The following KHDRBS2 variants were observed in gnomAD, a reference collection of about 807,000 sequenced individuals.
KHDRBS2 encodes KH RNA binding domain containing, signal transduction associated 2, also known as KH domain-containing, RNA-binding, signal transduction-associated protein 2.
Under a neutral mutation model 44.3 loss-of-function variants are expected in KHDRBS2, and 26 were observed. The ratio of observed to expected loss-of-function variants is 0.59; its 90% CI spans 0.43 to 0.81. The LOEUF is 0.81. KHDRBS2 is among the 40% of genes least tolerant of loss of function. The pLI is 0.00. For missense variants in KHDRBS2, 476 were observed against 433.1 expected (o/e 1.10, Z -0.88); for synonymous variants, 194 against 151.1 (o/e 1.28, Z -2.08).
intron 6 of KHDRBS2, among the ~76,000 whole-genome samples, chr6:61,857,975 C>T (rs1197802766): frequency 1.3e-5 from 2 of 151,806 alleles, no homozygotes; most frequent in Non-Finnish European, 2.9e-5. Context: ...TTATATAACA[C>T]ATATGTTATA....
Position 62,218,235 on chromosome 6 carries a change from C to A in KHDRBS2, c.92-40923G>T, listed in dbSNP as rs533841308. ...CCAGGCTGCTAGTCATCTGAGTAGA[C>A]GAGAACAATCCCAAGCCTTAAAACA... is the stretch of plus-strand genomic sequence containing the variant. On this transcript the variant is annotated intron_variant, in intron 1 of 8. Coordinates refer to ENST00000281156, the MANE Select transcript of KHDRBS2 (RefSeq NM_152688.4). 9.9e-5 allele frequency among the ~76,000 whole-genome samples: 15 copies of A among 151,952 alleles called. No homozygotes were observed. The South Asian group carries it at 3.1e-3, about 32-fold the overall frequency.
chr6:61,828,346 T>A (rs1791249830), intron 6 of KHDRBS2, among the ~76,000 whole-genome samples: 1 of 152,144 alleles, frequency 6.6e-6, no homozygotes, highest in African/African-American at 2.4e-5. Context: ...CTTAAGAGGG[T>A]AGAAAATAAG....
chr6:61,651,109 A>T, the KHDRBS2 span, among the ~76,000 whole-genome samples: 5 of 152,112 alleles, frequency 3.3e-5, no homozygotes, highest in Admixed American at 3.3e-4. Context: ...AATATGATTG[A>T]TAAACATTTA....
At chr6:61,913,959 C>T (rs1806508012) in intron 4 of KHDRBS2, among the ~76,000 whole-genome samples, 1 of 152,044 alleles carries the variant, frequency 6.6e-6, no homozygotes, top group South Asian at 2.1e-4. Flanking sequence ...GGCTCTGTAT[C>T]ATGGTAGTGC....
At chr6:61,598,237 C>G in the KHDRBS2 span, among the ~76,000 whole-genome samples, 4 of 151,654 alleles carry the variant, frequency 2.6e-5, no homozygotes, top group Admixed American at 2.6e-4. Flanking sequence ...CTACCATACT[C>G]TAGATATAAA....
rs4710600 is a variant in KHDRBS2 at position 61,956,875 on chromosome 6, G to T, written c.483+21191C>A. ...TAAGTCGCTTAGAATAGCACCTTAT[G>T]CATAGCAAACATTCCATAGTTATTG... On this transcript the variant is annotated intron_variant, in intron 4 of 8. Coordinates refer to ENST00000281156, the MANE Select transcript of KHDRBS2 (RefSeq NM_152688.4). Among the ~76,000 whole-genome samples the T allele has an allele frequency of 2.0e-5, 3 of 151,152 alleles. No individual in the cohort carries two copies. The East Asian group carries it at 5.9e-4, about 29-fold the overall frequency.
At chr6:61,895,180 A>G (rs1802733210) in intron 5 of KHDRBS2, among the ~76,000 whole-genome samples, 2 of 151,804 alleles carry the variant, frequency 1.3e-5, no homozygotes, top group African/African-American at 4.8e-5. Flanking sequence ...TTAAATTCCA[A>G]ATTCTCGAAG....
In KHDRBS2 at chr6:61,860,848, A is replaced by C. The variant is rs189127342; in HGVS notation, c.810+33787T>G. Among the ~76,000 whole-genome samples, 10 of 152,094 alleles carry C rather than the reference A, an allele frequency of 6.6e-5. No homozygotes were observed. The East Asian group carries it at 1.7e-3, about 26-fold the overall frequency. On this transcript the variant is annotated intron_variant, in intron 6 of 8. Coordinates refer to ENST00000281156, the MANE Select transcript of KHDRBS2 (RefSeq NM_152688.4). The stretch of plus-strand genomic sequence containing the variant: ...ACTCTCCCACCAAAAGTGTAAAAGC[A>C]TTATTTTTTTCTCCACAATCTCGAC...
chr6:61,595,015 G>T, the KHDRBS2 span, among the ~76,000 whole-genome samples: 1 of 152,048 alleles, frequency 6.6e-6, no homozygotes, highest in Non-Finnish European at 1.5e-5. Flanking sequence ...AACAAAATCA[G>T]CATCAGACAT....
At chr6:62,245,715 G>A (rs1835440202) in intron 1 of KHDRBS2, among the ~76,000 whole-genome samples, 1 of 152,038 alleles carries the variant, frequency 6.6e-6, no homozygotes, top group Non-Finnish European at 1.5e-5. Context: ...ATAATAATAT[G>A]TTCTAATTGA....
At chr6:61,729,025 C>T (rs753614065) in intron 7 of KHDRBS2, among the ~76,000 whole-genome samples, 1 of 152,092 alleles carries the variant, frequency 6.6e-6, no homozygotes, top group East Asian at 1.9e-4. Flanking sequence ...GACACATGCA[C>T]TTGTATGTTT....
chr6:62,154,025 C>A (rs1815823593), intron 2 of KHDRBS2, among the ~76,000 whole-genome samples: 1 of 152,130 alleles, frequency 6.6e-6, no homozygotes, highest in Non-Finnish European at 1.5e-5. Flanking sequence ...AGAAGCGTTT[C>A]TTTCTTTTAT....
chr6:62,043,887 A>C (rs1787090081), intron 3 of KHDRBS2, among the ~76,000 whole-genome samples: 1 of 151,998 alleles, frequency 6.6e-6, no homozygotes, highest in East Asian at 1.9e-4. Context: ...AAACGAAATG[A>C]GTTTGTCATT....
intron 1 of KHDRBS2, among the ~76,000 whole-genome samples, chr6:62,202,551 G>A (rs574335044): frequency 2.8e-4 from 43 of 152,070 alleles, no homozygotes; most frequent in African/African-American, 9.6e-4. Flanking sequence ...GGACACATCA[G>A]TGAATAAAAT....
intron 8 of KHDRBS2, among the ~76,000 whole-genome samples, chr6:61,688,022 A>T (rs559084163): frequency 3.3e-5 from 5 of 151,858 alleles, no homozygotes; most frequent in African/African-American, 1.2e-4. Context: ...TAATAAATTG[A>T]CTCAATCTGT....
chr6:61,899,863 T>G, intron 5 of KHDRBS2, among the ~76,000 whole-genome samples: 1 of 151,648 alleles, frequency 6.6e-6, no homozygotes, highest in East Asian at 2.0e-4. Flanking sequence ...AAAGTTGCAA[T>G]TTCATATGAT....
chr6:61,652,006 G>A, the KHDRBS2 span, among the ~76,000 whole-genome samples: 82 of 152,024 alleles, frequency 5.4e-4, no homozygotes, highest in African/African-American at 2.0e-3. Flanking sequence ...CCCTTCTCCA[G>A]GTAAAAACAA....
chr6:61,711,338 A>G (rs760941704), intron 7 of KHDRBS2, among the ~76,000 whole-genome samples: 11 of 151,758 alleles, frequency 7.2e-5, no homozygotes, highest in Admixed American at 1.3e-4. Flanking sequence ...TAAATATAAG[A>G]TGTGTTAGGA....
At chr6:62,146,563 T>A (rs1813988846) in intron 2 of KHDRBS2, among the ~76,000 whole-genome samples, 1 of 151,832 alleles carries the variant, frequency 6.6e-6, no homozygotes, top group Non-Finnish European at 1.5e-5. Flanking sequence ...TTCTGTAAAA[T>A]ATGTTCCTGT....
Sources: gnomAD v4.1 joint callset for allele counts (sites outside exome capture counted in the v4.1 genomes callset) on GRCh38, gnomAD v4.1.1 for gene constraint, MANE v1.5 for transcripts, NCBI Gene and HGNC (gene_info 2026-07-23, HGNC 2026-07-21) for gene names.